Variants in EPG5 observed in about 807,000 individuals in gnomAD.
The protein encoded by EPG5 is ectopic P granules protein 5 homolog.
EPG5 carries 159 observed loss-of-function variants against 302.7 expected under a neutral mutation model. That is an observed-to-expected ratio of 0.53 (90% CI 0.46 to 0.60). The LOEUF (loss-of-function observed/expected upper bound fraction) is 0.60, where lower values mean the gene tolerates loss of function less well. Ranked by LOEUF, EPG5 falls within the 20% of genes least tolerant of loss-of-function variation. EPG5 has a pLI of 0.00. For missense variants in EPG5, 2,896 were observed against 3,092.4 expected, an observed-to-expected ratio of 0.94 and a Z score of 1.51; for synonymous variants, 1,158 against 1,136.8, an observed-to-expected ratio of 1.02 and a Z score of -0.37.
At chr18:45,936,598 T>C (rs565784940) in intron 10 of EPG5, among the ~76,000 whole-genome samples, 2 of 151,244 alleles carry the variant, frequency 1.3e-5, no homozygotes, top group Non-Finnish European at 3.0e-5. Flanking sequence ...CACGGTGGTG[T>C]GCGCCTATAG....
chr18:45,902,496 C>CA (rs2049642866), intron 25 of EPG5, among the ~76,000 whole-genome samples: 2 of 152,022 alleles, frequency 1.3e-5, no homozygotes, highest in African/African-American at 2.4e-5. Context: ...AACAAACAAA[C>CA]AAAAAATCTA....
At chr18:45,955,596 A>T (rs1233758579) in intron 1 of EPG5, among the ~76,000 whole-genome samples, 1 of 152,220 alleles carries the variant, frequency 6.6e-6, no homozygotes, top group African/African-American at 2.4e-5. Context: ...CATCACAGTA[A>T]GCAGCAAATT....
downstream of EPG5, among the ~76,000 whole-genome samples, chr18:45,846,226 C>T (rs1202927171): frequency 1.3e-5 from 2 of 152,042 alleles, no homozygotes; most frequent in Admixed American, 6.5e-5. Flanking sequence ...TCCTCAAAGC[C>T]CTGTAAGATC....
intron 38 of EPG5, among the ~76,000 whole-genome samples, chr18:45,866,410 C>T (rs1235670820): frequency 1.3e-5 from 2 of 152,112 alleles, no homozygotes; most frequent in African/African-American, 2.4e-5. Context: ...CGTGAGCCAC[C>T]GCACCCAGCC....
intron 40 of EPG5, 88 bp from the exon 41 acceptor site, chr18:45,858,870 G>C: frequency 9.7e-7 from 1 of 1,032,308 alleles, no homozygotes. Context: ...TAAGCTTCAT[G>C]ATTTTTTTTT....
chr18:45,867,546 A>G lies in EPG5; in HGVS notation c.6411+17T>C, dbSNP rs1447882350. The G allele has an allele frequency of 6.2e-7, 1 of 1,609,876 alleles. No homozygotes were observed. Among genetic ancestry groups the G allele is most frequent in the South Asian group, 1.1e-5 (1 of 90,874 alleles). ...AGCAGCCTTGCCGAATTTTTGCCATAAGCTTCCCAAACTTACTGTTTGGTC... is the reference window on the plus strand; with the variant it reads ...AGCAGCCTTGCCGAATTTTTGCCATGAGCTTCCCAAACTTACTGTTTGGTC... On this transcript the variant is annotated intron_variant, in intron 37 of 43. Coordinates refer to ENST00000282041, the MANE Select transcript of EPG5 (RefSeq NM_020964.3).
At chr18:45,909,646 C>A (rs2049844695) in intron 23 of EPG5, among the ~76,000 whole-genome samples, 1 of 152,110 alleles carries the variant, frequency 6.6e-6, no homozygotes, top group African/African-American at 2.4e-5. Context: ...GAGTTCTTAA[C>A]CTTTTAGAGG....
intron 17 of EPG5, among the ~76,000 whole-genome samples, chr18:45,917,035 G>T (rs1183223385): frequency 3.3e-5 from 5 of 152,186 alleles, no homozygotes; most frequent in Non-Finnish European, 1.5e-5. Context: ...GGAGAAACCT[G>T]GGAATCCATA....
intron 10 of EPG5, among the ~76,000 whole-genome samples, chr18:45,935,472 G>A (rs183093668): frequency 4.6e-5 from 7 of 152,284 alleles, no homozygotes; most frequent in African/African-American, 1.4e-4. Flanking sequence ...AACCCAGGAG[G>A]TAGAGATTGC....
At chr18:45,840,345 T>TG in the EPG5 span, 1 of 1,337,124 alleles carries the variant, frequency 7.5e-7, no homozygotes, top group Non-Finnish European at 1.0e-6. Context: ...GGGCTGGGGC[T>TG]GGGGTCCTAC....
At chr18:45,914,262 A>T (rs1000531438) in intron 20 of EPG5, among the ~76,000 whole-genome samples, 1 of 152,232 alleles carries the variant, frequency 6.6e-6, no homozygotes, top group Non-Finnish European at 1.5e-5. Flanking sequence ...AGAAGGTTCT[A>T]TGTAGATGTC....
chr18:45,868,042 C>A (rs1320996226), intron 36 of EPG5: 1 of 493,802 alleles, frequency 2.0e-6, no homozygotes, highest in African/African-American at 1.9e-5. Context: ...ATCGCTGCCA[C>A]AGTAAGTCAC....
chr18:45,944,699 G>C (rs568804461), intron 7 of EPG5, among the ~76,000 whole-genome samples: 2 of 150,186 alleles, frequency 1.3e-5, no homozygotes, highest in Non-Finnish European at 3.0e-5. Flanking sequence ...AGGTTGCAGT[G>C]AGCCGAGATC....
In EPG5 at chr18:45,858,024, A is replaced by C; in HGVS notation, c.7271T>G (p.Val2424Gly). 6.2e-7 allele frequency: 1 copy of C among 1,613,878 alleles called. No homozygotes were observed. The highest frequency in any genetic ancestry group is 8.5e-7 in the Non-Finnish European group (1 of 1,179,950). Residue 2424 changes from valine to glycine, a missense_variant, in exon 42 of 44, where the codon GTC becomes GGC. Val to Gly is a moderately radical substitution (Grantham distance 109, BLOSUM62 -3). Transcript: ENST00000282041. ...EAKLFLWWHQ[V>G]LQLSLIQTEQ... The stretch of plus-strand genomic sequence containing the variant: ...TGTCTGAATGAGGGAGAGCTGAAGG[A>C]CTTGGTGCCACCACAAAAACAGCTT...
chr18:45,937,261 C>T (rs1446287751), intron 10 of EPG5, among the ~76,000 whole-genome samples: 1 of 122,972 alleles, frequency 8.1e-6, no homozygotes, highest in Non-Finnish European at 1.6e-5. Flanking sequence ...CACACACACA[C>T]ACACACACAC....
intron 28 of EPG5, among the ~76,000 whole-genome samples, chr18:45,889,568 A>T (rs760378639): frequency 1.3e-5 from 2 of 152,178 alleles, no homozygotes; most frequent in Non-Finnish European, 2.9e-5. Flanking sequence ...CTTCTGCTGC[A>T]GCATAAAAGC....
intron 27 of EPG5, among the ~76,000 whole-genome samples, chr18:45,892,837 A>T (rs1045044926): frequency 6.6e-6 from 1 of 152,252 alleles, no homozygotes; most frequent in African/African-American, 2.4e-5. Context: ...TATTTTCATG[A>T]TATAATTTGA....
chr18:45,873,183 G>T (rs2048906432), intron 35 of EPG5, among the ~76,000 whole-genome samples: 1 of 152,150 alleles, frequency 6.6e-6, no homozygotes, highest in Admixed American at 6.5e-5. Context: ...ATATACAGGG[G>T]CAAGAGAGCC....
intron 39 of EPG5, among the ~76,000 whole-genome samples, chr18:45,861,280 A>C (rs1679947727): frequency 6.6e-6 from 1 of 152,232 alleles, no homozygotes; most frequent in Admixed American, 6.5e-5. Flanking sequence ...ATATCTGTCT[A>C]TTTCTTCATG....
Sources: gnomAD v4.1 joint callset for allele counts (sites outside exome capture counted in the v4.1 genomes callset) on GRCh38, gnomAD v4.1.1 for gene constraint, MANE v1.5 for transcripts, NCBI Gene and HGNC (gene_info 2026-07-23, HGNC 2026-07-21) for gene names.